Variants in ASH2L observed in about 807,000 individuals in gnomAD.
The protein encoded by ASH2L is ASH2 like, histone lysine methyltransferase complex subunit.
ASH2L carries 30 observed loss-of-function variants against 81.1 expected under a neutral mutation model. The observed-to-expected ratio is 0.37, with a 90% CI of 0.28 to 0.50. The LOEUF (loss-of-function observed/expected upper bound fraction) is 0.50. Ranked by LOEUF, ASH2L falls within the 20% of genes least tolerant of loss-of-function variation. The pLI is 0.95. For synonymous variants in ASH2L, 273 were observed against 279.9 expected, an observed-to-expected ratio of 0.98 and a Z score of 0.24; for missense variants, 559 against 792.1, an observed-to-expected ratio of 0.71 and a Z score of 3.53.
chr8:38,130,298 T>C (rs1585602368), intron 12 of ASH2L, among the ~76,000 whole-genome samples: 1 of 150,020 alleles, frequency 6.7e-6, no homozygotes, highest in East Asian at 1.9e-4. Flanking sequence ...GTTTTTTTTT[T>C]TTTTTCCATG....
At chr8:38,115,150 T>C (rs923407909) in intron 7 of ASH2L, 150 bp downstream of exon 7, 19 of 614,080 alleles carry the variant, frequency 3.1e-5, no homozygotes, top group Middle Eastern at 4.5e-4. Flanking sequence ...GTGACTGATA[T>C]GAGAGTACTC....
At chr8:38,108,743 A>T (rs1810558567) in intron 3 of ASH2L, among the ~76,000 whole-genome samples, 1 of 152,048 alleles carries the variant, frequency 6.6e-6, no homozygotes, top group Admixed American at 6.6e-5. Context: ...TGAACCCGGG[A>T]AGCAGAGGTT....
chr8:38,128,731 TTCCTG>T, intron 11 of ASH2L, 22 bp from the exon 12 acceptor site: 1 of 1,593,790 alleles, frequency 6.3e-7, no homozygotes, highest in Non-Finnish European at 8.5e-7. Flanking sequence ...ATCTTCTGAC[TTCCTG>T]TGTATGTTTT....
In ASH2L at chr8:38,107,099, G is replaced by A; in HGVS notation, c.334G>A (p.Glu112Lys). 2 of 1,614,202 alleles carry A rather than the reference G, an allele frequency of 1.2e-6. No individual in the cohort carries two copies. Among genetic ancestry groups the A allele is most frequent in the Non-Finnish European group, 1.7e-6 (2 of 1,180,038 alleles). ...VDEENGRQLGEVELQCGICTK... is the reference protein window; with the variant it reads ...VDEENGRQLGKVELQCGICTK... Reference sequence around the variant, plus strand: ...TGAAGAGAATGGCCGACAGTTGGGTGAGGTAGAGCTGCAATGTGGGATTTG... The same window carrying A: ...TGAAGAGAATGGCCGACAGTTGGGTAAGGTAGAGCTGCAATGTGGGATTTG... The change falls in exon 3 of 16, where the codon GAG (glutamate) becomes AAG (lysine). Residue 112 changes from glutamate to lysine, a missense_variant. By Grantham distance (56) the Glu-to-Lys change is moderately conservative. Around this residue, in one of 4 missense-constraint regions of ASH2L, gnomAD observed 318 missense variants for 527.0 expected, o/e 0.60. Coordinates refer to ENST00000343823, the MANE Select transcript of ASH2L (RefSeq NM_004674.5).
chr8:38,110,248 T>C (rs1810628831), intron 3 of ASH2L, 131 bp from the exon 4 acceptor site: 1 of 696,488 alleles, frequency 1.4e-6, no homozygotes, highest in Non-Finnish European at 2.5e-6. Context: ...GAACGTCAAG[T>C]CTGCAGTGAG....
Position 38,128,939 on chromosome 8 carries a change from A to C in ASH2L, c.1515A>C (p.Thr505=). The change falls in exon 12 of 16, where the codon ACA becomes ACC. Residue 505 remains threonine (T), a synonymous_variant. Transcript: ENST00000343823. Reference sequence around the variant, plus strand: ...AGACAGCCAAGTCATTGCCAGACACATACAAAGATAAGGTGAGTTTGTCCT... The same window carrying C: ...AGACAGCCAAGTCATTGCCAGACACCTACAAAGATAAGGTGAGTTTGTCCT... ...DTETAKSLPD[T]YKDKALIKFK... The C allele has an allele frequency of 3.1e-6, 5 of 1,612,740 alleles. No homozygotes were observed. The highest frequency in any genetic ancestry group is 4.2e-6 in the Non-Finnish European group (5 of 1,179,582).
At chr8:38,136,461 G>C (rs1802260763) in intron 14 of ASH2L, among the ~76,000 whole-genome samples, 1 of 151,398 alleles carries the variant, frequency 6.6e-6, no homozygotes, top group Admixed American at 6.6e-5. Context: ...TAGGTAGATA[G>C]GTAGATAGAT....
In ASH2L at chr8:38,121,345, A is replaced by T. The variant is rs923672749; in HGVS notation, c.1165+196A>T. Among the ~76,000 whole-genome samples the T allele has an allele frequency of 1.9e-3, 168 of 87,404 alleles. 3 individuals are homozygous for T. The highest frequency in any genetic ancestry group is 0.011 in the South Asian group (26 of 2,468). The allele number at this position is 87,404 out of a possible 152,430, so 57.3% of individuals were successfully genotyped here. A position where few individuals can be genotyped will look rare whatever the true frequency, so the allele number is the denominator to read the frequency against. On this transcript the variant is annotated intron_variant, in intron 10 of 15. Coordinates refer to ENST00000343823, the MANE Select transcript of ASH2L (RefSeq NM_004674.5). ...CCAGCCGTTTTATTTATATATATAT[A>T]TATATATATATATATATATATATAT...
At chr8:38,138,102 A>G (rs11778505) in intron 14 of ASH2L, 1 of 151,522 alleles carries the variant, frequency 6.6e-6, no homozygotes, top group Non-Finnish European at 1.5e-5. Context: ...ACATAGCAAA[A>G]CCCCCTTTCT....
At chr8:38,130,227 CTTT>C (rs71216650) in intron 12 of ASH2L, among the ~76,000 whole-genome samples, 4 of 86,226 alleles carry the variant, frequency 4.6e-5, no homozygotes, top group Non-Finnish European at 6.7e-5. Flanking sequence ...CTTCTCTGTT[CTTT>C]TTTTTTTTTT....
At chr8:38,112,965 A>G (rs911695926) in intron 5 of ASH2L, among the ~76,000 whole-genome samples, 1 of 143,824 alleles carries the variant, frequency 7.0e-6, no homozygotes, top group Non-Finnish European at 1.5e-5. Flanking sequence ...CATTGTTGGA[A>G]TTTTTTTTTT....
intron 9 of ASH2L, among the ~76,000 whole-genome samples, chr8:38,120,392 GTGATGAAA>G (rs763501724): frequency 2.6e-5 from 4 of 151,964 alleles, no homozygotes; most frequent in Non-Finnish European, 4.4e-5. Context: ...TAAAGCTGAG[GTGATGAAA>G]TCCAGGTTGC....
intron 12 of ASH2L, among the ~76,000 whole-genome samples, chr8:38,130,159 A>C (rs937379995): frequency 7.2e-6 from 1 of 139,092 alleles, no homozygotes; most frequent in Non-Finnish European, 1.5e-5. Context: ...GGCCACTCAT[A>C]TGTTTTTTGT....
At chr8:38,133,644 A>G (rs939161787) in intron 13 of ASH2L, 98 bp downstream of exon 13, 13 of 942,238 alleles carry the variant, frequency 1.4e-5, no homozygotes, top group Non-Finnish European at 2.0e-5. Flanking sequence ...CCAAAGGGGA[A>G]TGAAGGGGCA....
chr8:38,120,956 C>A lies in ASH2L; in HGVS notation c.972C>A (p.Arg324=). 1 of 1,613,472 alleles carries A rather than the reference C, an allele frequency of 6.2e-7. No homozygotes were observed. Among genetic ancestry groups the A allele is most frequent in the South Asian group, 1.1e-5 (1 of 91,046 alleles). Residue 324 remains arginine, a synonymous_variant, in exon 10 of 16, where the codon CGC becomes CGA. Coordinates refer to ENST00000343823, the MANE Select transcript of ASH2L (RefSeq NM_004674.5). ...ARSDPLFSAQ[R]LPPHGYPLEH... ...GTGACCCTTTGTTTTCTGCTCAGCGCCTTCCCCCTCATGGCTACCCATTGG... is the reference window on the plus strand; with the variant it reads ...GTGACCCTTTGTTTTCTGCTCAGCGACTTCCCCCTCATGGCTACCCATTGG...
In ASH2L at chr8:38,114,218, C is replaced by G. The variant is rs1394196258; in HGVS notation, c.612C>G (p.Tyr204Ter). The change falls in exon 6 of 16, where the codon TAC becomes TAG. Residue 204 changes from tyrosine to a stop codon, truncating the protein, a stop_gained. Coordinates refer to ENST00000343823, the MANE Select transcript of ASH2L (RefSeq NM_004674.5). LOFTEE classifies it high-confidence loss of function. ...ATATTATACCATTTATTGATAAATACTGGGAGTGCATGACAACCAGACAGA... is the reference window on the plus strand; with the variant it reads ...ATATTATACCATTTATTGATAAATAGTGGGAGTGCATGACAACCAGACAGA... ...DKDIIPFIDK[Y>*]WECMTTRQRP... 1 of 1,601,344 alleles carries G rather than the reference C, an allele frequency of 6.2e-7. No homozygotes were observed. Among genetic ancestry groups the G allele is most frequent in the African/African-American group, 1.3e-5 (1 of 74,216 alleles).
chr8:38,109,537 C>T (rs1319708374), intron 3 of ASH2L, among the ~76,000 whole-genome samples: 4 of 152,208 alleles, frequency 2.6e-5, no homozygotes, highest in Non-Finnish European at 5.9e-5. Context: ...TTCCTGTCAT[C>T]TTGTGCAATC....
chr8:38,114,759 A>G (rs1382325066), intron 6 of ASH2L, 146 bp from the exon 7 acceptor site: 6 of 600,776 alleles, frequency 1.0e-5, no homozygotes, highest in Admixed American at 3.1e-5. Flanking sequence ...TTTGATGGTC[A>G]CTGATTATTT....
rs1470989177 is a variant in ASH2L, at chr8:38,128,501, G to T, written c.1333+43G>T. The T allele has an allele frequency of 3.1e-6, 5 of 1,596,614 alleles. No individual in the cohort carries two copies. The South Asian group carries it at 4.6e-5, about 15-fold the overall frequency. On this transcript the variant is annotated intron_variant, in intron 11 of 15. Transcript: ENST00000343823. ...TATGGACATCACAGCAGATAGAGAG[G>T]ATAGACCATCTGGCCAAGGGCTAAG...
Sources: allele counts gnomAD v4.1 joint callset (sites outside exome capture counted in the v4.1 genomes callset), GRCh38; gene constraint gnomAD v4.1.1; regional missense constraint gnomAD v4.1.1; transcripts MANE v1.5; gene names NCBI Gene and HGNC (gene_info 2026-07-23, HGNC 2026-07-21).